Variants in ITGB5 observed in about 807,000 individuals in gnomAD.
ITGB5 encodes integrin beta-5.
Under a neutral mutation model 84.8 loss-of-function variants are expected in ITGB5, and 38 were observed. The ratio of observed to expected loss-of-function variants is 0.45; its 90% CI spans 0.35 to 0.59. The LOEUF (loss-of-function observed/expected upper bound fraction) is 0.59, where lower values mean the gene tolerates loss of function less well. ITGB5 is among the 20% of genes least tolerant of loss of function. The pLI is 0.01. For synonymous variants in ITGB5, 393 were observed against 414.4 expected (o/e 0.95, Z 0.63); for missense variants, 905 against 1,034.5 (o/e 0.87, Z 1.72).
At chr3:124,851,618 C>CACAT (rs1416945006) in intron 3 of ITGB5, among the ~76,000 whole-genome samples, 1 of 144,070 alleles carries the variant, frequency 6.9e-6, no homozygotes, top group African/African-American at 2.9e-5. Flanking sequence ...AACACACACA[C>CACAT]ACACACACAC....
chr3:124,899,946 T>C (rs1378806356), intron 1 of ITGB5, among the ~76,000 whole-genome samples: 2 of 136,250 alleles, frequency 1.5e-5, no homozygotes, highest in Admixed American at 7.6e-5. Context: ...AATATGAGAA[T>C]ACTTTATGAA....
rs1351285193 is a variant in ITGB5, at chr3:124,848,575, G to T, written c.362-17C>A. ...TCTTGTCACCTGCACCAACAGAGAG[G>T]CCACGTGTGTTAGAGGTTGTGCAAC... On this transcript the variant is annotated splice_polypyrimidine_tract_variant and intron_variant, in intron 3 of 14. Transcript: ENST00000296181. 2 of 1,604,082 alleles carry T rather than the reference G, an allele frequency of 1.2e-6. No homozygotes were observed. The highest frequency in any genetic ancestry group is 1.7e-6 in the Non-Finnish European group (2 of 1,176,790).
At chr3:124,867,009 T>C (rs1465161331) in intron 2 of ITGB5, among the ~76,000 whole-genome samples, 4 of 152,184 alleles carry the variant, frequency 2.6e-5, no homozygotes, top group Admixed American at 6.5e-5. Flanking sequence ...GGATTGAATA[T>C]TGATTCTTTT....
intron 1 of ITGB5, among the ~76,000 whole-genome samples, chr3:124,875,215 C>A (rs1283045392): frequency 3.9e-5 from 6 of 152,148 alleles, no homozygotes; most frequent in Non-Finnish European, 7.4e-5. Context: ...CCGTGGCTCG[C>A]ACCTGTAATA....
intron 3 of ITGB5, among the ~76,000 whole-genome samples, chr3:124,853,709 C>A (rs556631807): frequency 3.9e-5 from 6 of 152,276 alleles, no homozygotes; most frequent in African/African-American, 1.4e-4. Context: ...CAAAAGCAAC[C>A]AATTACCTGT....
At chr3:124,835,293 C>T (rs530211085) in intron 5 of ITGB5, among the ~76,000 whole-genome samples, 12 of 152,320 alleles carry the variant, frequency 7.9e-5, no homozygotes, top group Admixed American at 3.3e-4. Context: ...CAGGAAACCA[C>T]GGAGTCCTGC....
At chr3:124,825,833 T>C (rs1192475789) in intron 5 of ITGB5, among the ~76,000 whole-genome samples, 1 of 152,236 alleles carries the variant, frequency 6.6e-6, no homozygotes, top group African/African-American at 2.4e-5. Flanking sequence ...TCAGTGATTC[T>C]ACTTCAGGGG....
intron 2 of ITGB5, among the ~76,000 whole-genome samples, chr3:124,868,618 C>CAAA (rs67873873): frequency 1.8e-4 from 12 of 68,152 alleles, no homozygotes; most frequent in South Asian, 6.8e-4. Flanking sequence ...TGTTCTCTAC[C>CAAA]AAAAAAAAAA....
At chr3:124,890,395 C>T (rs966064995), upstream of ITGB5, among the ~76,000 whole-genome samples, 2 of 151,452 alleles carry the variant, frequency 1.3e-5, no homozygotes, top group Non-Finnish European at 2.9e-5. Context: ...TTAGTAGAGG[C>T]GGGGTTTCAC....
chr3:124,796,825 G>A lies in ITGB5; in HGVS notation c.1264-8C>T. ...TGATACTTCAAAAGATGCCTGGGCA[G>A]AAGGAAGAGAAGGGATATCATGGCT... On this transcript the variant is annotated splice_polypyrimidine_tract_variant and splice_region_variant and intron_variant, in intron 9 of 14. Coordinates refer to ENST00000296181, the MANE Select transcript of ITGB5 (RefSeq NM_002213.5). 1 of 1,583,078 alleles carries A rather than the reference G, an allele frequency of 6.3e-7. No homozygotes were observed. Among genetic ancestry groups the A allele is most frequent in the Non-Finnish European group, 8.6e-7 (1 of 1,161,574 alleles).
chr3:124,766,477 A>T (rs956681546), intron 12 of ITGB5, 132 bp from the exon 13 acceptor site: 43 of 1,063,720 alleles, frequency 4.0e-5, no homozygotes, highest in Non-Finnish European at 5.6e-5. Context: ...TCTTAAGGGG[A>T]GGCTGGGCCT....
In ITGB5 at chr3:124,766,290, G is replaced by A. The variant is rs774887947; in HGVS notation, c.2073C>T (p.Val691=). 4 of 1,614,148 alleles carry A rather than the reference G, an allele frequency of 2.5e-6. No individual in the cohort carries two copies. The South Asian group carries it at 4.4e-5, about 18-fold the overall frequency. The change falls in exon 13 of 15, where the codon GTC becomes GTT. Residue 691 remains valine (V), a synonymous_variant. Transcript: ENST00000296181. ...GGAGCTCCACATAGGTGAACATCAT[G>A]ACGCAGTCCTTGGCGGTTTTGTAGA... ...LCFYKTAKDC[V]MMFTYVELPS...
intron 5 of ITGB5, among the ~76,000 whole-genome samples, chr3:124,823,787 TAGAG>T (rs2064743697): frequency 6.6e-6 from 1 of 151,866 alleles, no homozygotes; most frequent in Non-Finnish European, 1.5e-5. Context: ...TAAAATACAA[TAGAG>T]AGAAAGTATA....
intron 7 of ITGB5, among the ~76,000 whole-genome samples, chr3:124,819,337 A>G (rs1381006442): frequency 1.3e-5 from 2 of 152,208 alleles, no homozygotes; most frequent in Non-Finnish European, 2.9e-5. Flanking sequence ...GGTCTCCTAT[A>G]GTCTGCAGGC....
chr3:124,780,960 T>A (rs976482280), intron 10 of ITGB5, among the ~76,000 whole-genome samples: 2 of 152,140 alleles, frequency 1.3e-5, no homozygotes, highest in African/African-American at 4.8e-5. Flanking sequence ...GGGCCCAGTT[T>A]CTGGAACTCT....
chr3:124,808,957 A>G, intron 9 of ITGB5, 65 bp downstream of exon 9: 1 of 1,544,768 alleles, frequency 6.5e-7, no homozygotes, highest in East Asian at 2.3e-5. Flanking sequence ...CACAAAAGTT[A>G]TTAGAACCCA....
intron 5 of ITGB5, among the ~76,000 whole-genome samples, chr3:124,823,383 G>T (rs2064736159): frequency 6.6e-6 from 1 of 152,024 alleles, no homozygotes; most frequent in South Asian, 2.1e-4. Context: ...GCTAACAGAA[G>T]CTCAGAGGGG....
At chr3:124,863,998 A>AAG (rs989752560) in intron 2 of ITGB5, among the ~76,000 whole-genome samples, 14 of 150,652 alleles carry the variant, frequency 9.3e-5, no homozygotes, top group East Asian at 5.8e-4. Flanking sequence ...AAAAAAAAGA[A>AAG]AGAGAGAGAG....
At chr3:124,856,086 A>G (rs1183010533) in intron 3 of ITGB5, among the ~76,000 whole-genome samples, 1 of 151,962 alleles carries the variant, frequency 6.6e-6, no homozygotes, top group African/African-American at 2.4e-5. Flanking sequence ...GGGTCTCACT[A>G]TGTTGCCCAG....
Sources: gnomAD v4.1 joint callset for allele counts (sites outside exome capture counted in the v4.1 genomes callset) on GRCh38, gnomAD v4.1.1 for gene constraint, MANE v1.5 for transcripts, NCBI Gene and HGNC (gene_info 2026-07-23, HGNC 2026-07-21) for gene names.